The following RARB variants were observed in gnomAD, a reference collection of about 807,000 sequenced individuals.
The protein encoded by RARB is HBV-activated protein.
Under a neutral mutation model 51.9 loss-of-function variants are expected in RARB, and 17 were observed. The ratio of observed to expected loss-of-function variants is 0.33; its 90% CI spans 0.22 to 0.49. The LOEUF (loss-of-function observed/expected upper bound fraction) is 0.49, where lower values mean the gene tolerates loss of function less well. RARB is among the 20% of genes least tolerant of loss of function. The probability of loss-of-function intolerance (pLI) is 0.99; values close to 1 mark genes in which losing one functional copy is unlikely to be tolerated. For synonymous variants in RARB, 215 were observed against 195.4 expected (o/e 1.10, Z -0.84); for missense variants, 369 against 550.8 (o/e 0.67, Z 3.30).
intron 2 of RARB, among the ~76,000 whole-genome samples, chr3:24,917,458 A>G (rs1383195319): frequency 6.6e-6 from 1 of 152,230 alleles, no homozygotes; most frequent in Non-Finnish European, 1.5e-5. Flanking sequence ...GTGATGGACA[A>G]CTTAATTAGG....
Position 25,428,697 on chromosome 3 carries a change from A to T in RARB, c.-35A>T. The T allele has an allele frequency of 1.3e-6, 2 of 1,587,310 alleles. No homozygotes were observed. The highest frequency in any genetic ancestry group is 1.7e-6 in the Non-Finnish European group (2 of 1,159,542). On this transcript the variant is annotated 5_prime_UTR_variant, in exon 1 of 8. An upstream open reading frame in the 5' UTR loses its in-frame stop. Transcript: ENST00000330688. ...CCATTTGCCTCCACACCTAGAGGAT[A>T]AGCACTTTTGCAGACATTCAGTGCA...
chr3:24,862,618 G>A (rs1702773265), intron 2 of RARB, among the ~76,000 whole-genome samples: 1 of 152,106 alleles, frequency 6.6e-6, no homozygotes, highest in Admixed American at 6.6e-5. Flanking sequence ...GAGTCTGGTA[G>A]TCACTTAGTC....
intron 5 of RARB, among the ~76,000 whole-genome samples, chr3:25,269,590 C>T (rs1703205695): frequency 6.6e-6 from 1 of 152,136 alleles, no homozygotes; most frequent in Non-Finnish European, 1.5e-5. Context: ...ATGTGTACTG[C>T]TCTTCACAGT....
chr3:25,564,070 A>C (rs893891008), intron 3 of RARB, among the ~76,000 whole-genome samples: 1 of 151,936 alleles, frequency 6.6e-6, no homozygotes, highest in African/African-American at 2.4e-5. Context: ...TGTGTGCCTG[A>C]AAATCAATAT....
chr3:25,071,679 C>T (rs1345082631), intron 3 of RARB, among the ~76,000 whole-genome samples: 2 of 152,112 alleles, frequency 1.3e-5, no homozygotes, highest in Non-Finnish European at 2.9e-5. Flanking sequence ...TGATCAATGG[C>T]ATGATTAAAA....
chr3:25,182,843 C>A (rs1044601739), intron 5 of RARB, among the ~76,000 whole-genome samples: 2 of 152,122 alleles, frequency 1.3e-5, no homozygotes, highest in African/African-American at 4.8e-5. Context: ...TTAGGGTGAG[C>A]CCTAATCCAG....
chr3:25,011,288 A>G (rs189381941), intron 2 of RARB, among the ~76,000 whole-genome samples: 1 of 152,224 alleles, frequency 6.6e-6, no homozygotes, highest in African/African-American at 2.4e-5. Flanking sequence ...GAAGTTGAGG[A>G]GAGGTTGCAA....
In RARB at chr3:25,569,846, T is replaced by A. The variant is rs1285531385; in HGVS notation, c.537T>A (p.Asp179Glu). 1.9e-6 allele frequency: 3 copies of A among 1,614,066 alleles called. No individual in the cohort carries two copies. Among genetic ancestry groups the A allele is most frequent in the Admixed American group, 1.7e-5 (1 of 60,010 alleles). Residue 179 changes from aspartate to glutamate, a missense_variant, in exon 4 of 8, where the codon GAT becomes GAA. Asp to Glu is a conservative substitution (Grantham distance 45). Coordinates refer to ENST00000330688, the MANE Select transcript of RARB (RefSeq NM_000965.5). ...ATGAAATGACAGCTGAGTTGGACGA[T>A]CTCACAGAGAAGATCCGAAAAGCTC... ...ESYEMTAELD[D>E]LTEKIRKAHQ...
At chr3:25,303,613 T>G (rs1704090988) in intron 5 of RARB, among the ~76,000 whole-genome samples, 2 of 152,156 alleles carry the variant, frequency 1.3e-5, no homozygotes, top group South Asian at 4.1e-4. Flanking sequence ...GAATCTTCAT[T>G]GAGTAAAAAT....
At chr3:25,578,055 C>A (rs1229469213) in intron 4 of RARB, among the ~76,000 whole-genome samples, 1 of 152,214 alleles carries the variant, frequency 6.6e-6, no homozygotes, top group Non-Finnish European at 1.5e-5. Context: ...AAGGGTCACT[C>A]CTCACCACCC....
chr3:25,226,025 A>C (rs570976801), intron 5 of RARB, among the ~76,000 whole-genome samples: 1 of 152,324 alleles, frequency 6.6e-6, no homozygotes, highest in Non-Finnish European at 1.5e-5. Context: ...ATATTCATAG[A>C]TAATTATAAT....
intron 5 of RARB, among the ~76,000 whole-genome samples, chr3:25,289,288 A>C (rs922781492): frequency 6.6e-6 from 1 of 152,214 alleles, no homozygotes; most frequent in Non-Finnish European, 1.5e-5. Context: ...ATCTGTGTGT[A>C]AAGCACTGAG....
chr3:25,233,804 G>C (rs140021380), intron 5 of RARB, among the ~76,000 whole-genome samples: 3 of 147,284 alleles, frequency 2.0e-5, no homozygotes, highest in African/African-American at 7.5e-5. Flanking sequence ...GTTGAATTTT[G>C]TCTAATAGTT....
chr3:25,120,233 C>T (rs1324852266), intron 3 of RARB, among the ~76,000 whole-genome samples: 1 of 152,078 alleles, frequency 6.6e-6, no homozygotes, highest in Non-Finnish European at 1.5e-5. Context: ...TAAATGGCAA[C>T]TGACATTTGG....
intron 5 of RARB, among the ~76,000 whole-genome samples, chr3:25,334,575 T>C (rs1705006167): frequency 6.6e-6 from 1 of 152,122 alleles, no homozygotes; most frequent in South Asian, 2.1e-4. Context: ...ATATACCTAA[T>C]GTAAATGACA....
At chr3:25,473,088 C>T (rs1445881069) in intron 2 of RARB, among the ~76,000 whole-genome samples, 2 of 152,178 alleles carry the variant, frequency 1.3e-5, no homozygotes, top group Non-Finnish European at 2.9e-5. Flanking sequence ...GTCCTGAAAA[C>T]CACGCATCCC....
At chr3:25,273,362 C>G (rs1289476352) in intron 5 of RARB, among the ~76,000 whole-genome samples, 1 of 152,118 alleles carries the variant, frequency 6.6e-6, no homozygotes, top group Non-Finnish European at 1.5e-5. Context: ...TTACAAGTAA[C>G]CTTTAAAATC....
intron 2 of RARB, among the ~76,000 whole-genome samples, chr3:24,994,133 G>C (rs1044715046): frequency 6.6e-6 from 1 of 152,068 alleles, no homozygotes; most frequent in Non-Finnish European, 1.5e-5. Flanking sequence ...TGGTGTGTAA[G>C]GCTTCTCTTT....
rs1182981220 is a variant in RARB at position 25,305,276 on chromosome 3, G to GA, written c.178+130706dup. Among the ~76,000 whole-genome samples the GA allele has an allele frequency of 2.0e-5, 3 of 152,060 alleles. No homozygotes were observed. The East Asian group carries it at 5.8e-4, about 29-fold the overall frequency. ...TAACTGTAGGAGGAGAGGTTTTAAG[G>GA]AAAAAGAGAAAAAGGCTGGAGCCTG... is the stretch of plus-strand genomic sequence containing the variant. On this transcript the variant is annotated intron_variant, in intron 5 of 11. Coordinates refer to the RARB transcript ENST00000383772.
Sources: allele counts gnomAD v4.1 joint callset (sites outside exome capture counted in the v4.1 genomes callset), GRCh38; gene constraint gnomAD v4.1.1; transcripts MANE v1.5; gene names NCBI Gene and HGNC (gene_info 2026-07-23, HGNC 2026-07-21).